Variants in MYO3A observed in about 807,000 individuals in gnomAD.
MYO3A encodes the protein myosin-IIIa.
In MYO3A, 180 loss-of-function variants were observed where a neutral mutation model predicts 192.7. The ratio of observed to expected loss-of-function variants is 0.93; its 90% confidence interval spans 0.83 to 1.06. MYO3A has a LOEUF of 1.06. Ranked by LOEUF, MYO3A falls within the 50% of genes least tolerant of loss-of-function variation. MYO3A has a pLI of 0.00. For missense variants in MYO3A, 1,896 were observed against 1,905.0 expected (o/e 1.00, Z 0.09); for synonymous variants, 628 against 645.3 (o/e 0.97, Z 0.41).
intron 10 of MYO3A, among the ~76,000 whole-genome samples, chr10:26,040,459 T>G (rs1843280861): frequency 6.6e-6 from 1 of 152,164 alleles, no homozygotes; most frequent in Admixed American, 6.5e-5. Context: ...TTTGACATTT[T>G]CAGCAATTGA....
intron 32 of MYO3A, among the ~76,000 whole-genome samples, chr10:26,195,712 C>T (rs1175716313): frequency 1.3e-5 from 2 of 152,218 alleles, no homozygotes; most frequent in Non-Finnish European, 2.9e-5. Context: ...AAACACACAT[C>T]CTCTTCCCCT....
intron 28 of MYO3A, 122 bp from the exon 29 acceptor site, chr10:26,170,294 T>C (rs1841978898): frequency 2.8e-6 from 3 of 1,082,492 alleles, no homozygotes; most frequent in African/African-American, 1.6e-5. Flanking sequence ...CCTGTTCTAT[T>C]TGGCATTTTA....
chr10:26,089,139 C>T (rs1836527889), intron 15 of MYO3A, among the ~76,000 whole-genome samples: 1 of 152,134 alleles, frequency 6.6e-6, no homozygotes, highest in African/African-American at 2.4e-5. Context: ...AGTAGTATGT[C>T]ATGTTAATTC....
rs147703579 is a variant in MYO3A at position 26,096,633 on chromosome 10, A to G, written c.1727A>G (p.Gln576Arg). 2.7e-5 allele frequency: 44 copies of G among 1,606,852 alleles called. No individual in the cohort carries two copies. In the South Asian group the frequency reaches 3.2e-4, roughly 12 times the overall value. Residue 576 changes from glutamine (Q) to arginine (R), a missense_variant, in exon 17 of 35, where the codon CAG becomes CGG. Coordinates refer to ENST00000642920, the MANE Select transcript of MYO3A (RefSeq NM_017433.5). The stretch of plus-strand genomic sequence containing the variant: ...ATGAATAATAGTTTCTATAAATCCC[A>G]GTATGAATTAATTGAGCAATGTTTC... ...DIMNNSFYKS[Q>R]YELIEQCFKV...
intron 25 of MYO3A, among the ~76,000 whole-genome samples, chr10:26,155,794 T>G (rs1475297476): frequency 6.6e-6 from 1 of 152,236 alleles, no homozygotes; most frequent in Non-Finnish European, 1.5e-5. Context: ...GGTGAATCAC[T>G]GAACGTATTT....
At chr10:26,160,505 T>G (rs1841433217) in intron 26 of MYO3A, among the ~76,000 whole-genome samples, 1 of 151,858 alleles carries the variant, frequency 6.6e-6, no homozygotes, top group Non-Finnish European at 1.5e-5. Flanking sequence ...ATTAGCTGGG[T>G]GTGGTGGCTC....
At chr10:25,944,913 C>CT (rs1258924801) in intron 2 of MYO3A, among the ~76,000 whole-genome samples, 9 of 152,042 alleles carry the variant, frequency 5.9e-5, no homozygotes, top group Middle Eastern at 3.4e-3. Flanking sequence ...TTATTTCCTA[C>CT]TTTTTTTGTC....
chr10:26,108,516 A>G (rs1394410302), intron 17 of MYO3A, among the ~76,000 whole-genome samples: 3 of 152,378 alleles, frequency 2.0e-5, no homozygotes, highest in South Asian at 2.1e-4. Context: ...ATTGTATGCT[A>G]TGAAATTATT....
chr10:25,987,539 G>A (rs2130834616), intron 4 of MYO3A, among the ~76,000 whole-genome samples: 1 of 151,990 alleles, frequency 6.6e-6, no homozygotes, highest in Admixed American at 6.6e-5. Context: ...TCAAAAAGTG[G>A]GCTAAAGACA....
chr10:26,157,594 G>A, intron 26 of MYO3A, 79 bp downstream of exon 26: 1 of 1,488,030 alleles, frequency 6.7e-7, no homozygotes, highest in South Asian at 1.2e-5. Context: ...AACATAATAT[G>A]AAAAAATCTT....
chr10:26,025,841 CA>C (rs1304474832), intron 9 of MYO3A, among the ~76,000 whole-genome samples: 2 of 152,264 alleles, frequency 1.3e-5, no homozygotes, highest in Admixed American at 6.5e-5. Flanking sequence ...TGTATGACCT[CA>C]AAAAATACAT....
rs201919482 is a variant in MYO3A, at chr10:26,174,260, A to T, written c.3996A>T (p.Lys1332Asn). Residue 1332 changes from lysine to asparagine, a missense_variant, in exon 30 of 35, where the codon AAA becomes AAT. Lys to Asn is a moderately conservative substitution (Grantham distance 94, BLOSUM62 0). Transcript: ENST00000642920. ...GCCGTCTGAGGCATGAGACAGTCAAAGAGAGGCAAGTTGAACCAGTGACAC... is the reference window on the plus strand; with the variant it reads ...GCCGTCTGAGGCATGAGACAGTCAATGAGAGGCAAGTTGAACCAGTGACAC... ...GRGRLRHETV[K>N]ERQVEPVTQA... The T allele has an allele frequency of 8.7e-6, 14 of 1,613,962 alleles. No individual in the cohort carries two copies. The highest frequency in any genetic ancestry group is 1.7e-5 in the Admixed American group (1 of 59,998).
At chr10:26,018,696 A>AC (rs1240480397) in intron 7 of MYO3A, among the ~76,000 whole-genome samples, 1 of 152,126 alleles carries the variant, frequency 6.6e-6, no homozygotes, top group Non-Finnish European at 1.5e-5. Context: ...AAACCAGGAC[A>AC]CCCTGGAGAG....
intron 17 of MYO3A, among the ~76,000 whole-genome samples, chr10:26,099,835 G>T (rs989494602): frequency 3.3e-5 from 5 of 152,078 alleles, no homozygotes; most frequent in African/African-American, 9.7e-5. Context: ...GAGGATTTTT[G>T]CATCGATGTT....
chr10:26,099,339 A>T (rs1406557304), intron 17 of MYO3A, among the ~76,000 whole-genome samples: 1 of 152,218 alleles, frequency 6.6e-6, no homozygotes, highest in South Asian at 2.1e-4. Context: ...CTAAATATAC[A>T]GTCATGTCAT....
intron 18 of MYO3A, among the ~76,000 whole-genome samples, chr10:26,124,743 G>A (rs1241096389): frequency 6.6e-6 from 1 of 152,152 alleles, no homozygotes; most frequent in East Asian, 1.9e-4. Context: ...CGGAATTAAA[G>A]TGTTACTAAT....
At position 26,174,069 on chromosome 10, in the gene MYO3A, T is replaced by C. The variant is rs573736171; in HGVS notation, c.3805T>C (p.Tyr1269His). 6.2e-7 allele frequency: 1 copy of C among 1,614,202 alleles called. No homozygotes were observed. The highest frequency in any genetic ancestry group is 1.1e-5 in the South Asian group (1 of 91,076). ...GAAGGCCATATCAGAAAGGCCAAGC[T>C]ACCCAGTGCCTTGGTTAGCTGAAAA... ...ERKAISERPS[Y>H]PVPWLAENET... The change falls in exon 30 of 35, where the codon TAC becomes CAC. Residue 1269 changes from tyrosine to histidine, a missense_variant. Tyr to His is a moderately conservative substitution (Grantham distance 83). Coordinates refer to ENST00000642920, the MANE Select transcript of MYO3A (RefSeq NM_017433.5).
chr10:26,021,445 T>A, intron 7 of MYO3A, 58 bp from the exon 8 acceptor site: 2 of 1,573,556 alleles, frequency 1.3e-6, no homozygotes, highest in Non-Finnish European at 8.7e-7. Flanking sequence ...CTAAGTATTT[T>A]ATTACATGCT....
At chr10:26,136,973 G>T (rs534360625) in intron 20 of MYO3A, among the ~76,000 whole-genome samples, 1 of 151,834 alleles carries the variant, frequency 6.6e-6, no homozygotes, top group African/African-American at 2.4e-5. Flanking sequence ...AGCAGAGTTC[G>T]TGCCACTGCA....
Sources: allele counts gnomAD v4.1 joint callset (sites outside exome capture counted in the v4.1 genomes callset), GRCh38; gene constraint gnomAD v4.1.1; transcripts MANE v1.5; gene names NCBI Gene and HGNC (gene_info 2026-07-23, HGNC 2026-07-21).